The following RSRC1 variants were observed in gnomAD, a reference collection of about 807,000 sequenced individuals.
The protein encoded by RSRC1 is serine/Arginine-related protein 53.
Under a neutral mutation model 49.1 loss-of-function variants are expected in RSRC1, and 39 were observed. That is an observed-to-expected ratio of 0.79 (90% CI 0.61 to 1.04). RSRC1 has a LOEUF of 1.04. Among genes scored for constraint, RSRC1 ranks in the 50% least tolerant of loss-of-function variants. The pLI is 0.00. For missense variants in RSRC1, 388 were observed against 402.4 expected, an observed-to-expected ratio of 0.96 and a Z score of 0.31; for synonymous variants, 143 against 130.8, an observed-to-expected ratio of 1.09 and a Z score of -0.63.
At chr3:158,274,057 A>C (rs1725669397) in intron 4 of RSRC1, among the ~76,000 whole-genome samples, 1 of 152,152 alleles carries the variant, frequency 6.6e-6, no homozygotes, top group African/African-American at 2.4e-5. Context: ...AGTGTTGCCC[A>C]TTTGGAAACC....
intron 3 of RSRC1, among the ~76,000 whole-genome samples, chr3:158,195,226 A>G (rs2108268501): frequency 6.6e-6 from 1 of 151,986 alleles, no homozygotes; most frequent in African/African-American, 2.4e-5. Context: ...TGTGGTTTTG[A>G]TTTGCATTTC....
intron 4 of RSRC1, among the ~76,000 whole-genome samples, chr3:158,290,624 A>G (rs745879250): frequency 6.6e-6 from 1 of 152,160 alleles, no homozygotes; most frequent in Non-Finnish European, 1.5e-5. Context: ...TTATTCATCA[A>G]TAACATTTGA....
intron 4 of RSRC1, among the ~76,000 whole-genome samples, chr3:158,268,449 A>AT (rs1381585535): frequency 1.3e-5 from 2 of 151,986 alleles, no homozygotes. Flanking sequence ...TCCGTTTTAC[A>AT]TTTTTTCTGT....
intron 6 of RSRC1, among the ~76,000 whole-genome samples, chr3:158,444,449 A>G (rs975860246): frequency 3.9e-5 from 6 of 152,206 alleles, no homozygotes; most frequent in Non-Finnish European, 7.3e-5. Flanking sequence ...AAAACTGGCT[A>G]GCCATATATA....
chr3:158,229,185 T>C (rs1722757786), intron 4 of RSRC1, among the ~76,000 whole-genome samples: 1 of 126,370 alleles, frequency 7.9e-6, no homozygotes, highest in Non-Finnish European at 1.7e-5. Flanking sequence ...TGTGTATGTG[T>C]AAACATACAT....
chr3:158,268,347 A>G (rs760228500), intron 4 of RSRC1, among the ~76,000 whole-genome samples: 1 of 152,116 alleles, frequency 6.6e-6, no homozygotes, highest in Non-Finnish European at 1.5e-5. Context: ...TCCCCTGAGT[A>G]TGTGTAATTT....
intron 7 of RSRC1, among the ~76,000 whole-genome samples, chr3:158,514,726 C>T (rs1352949870): frequency 2.0e-5 from 3 of 151,970 alleles, no homozygotes. Context: ...GTGTTAAAGT[C>T]TCCCATTATT....
In RSRC1 at chr3:158,500,419, A is replaced by G. The variant is rs535163189; in HGVS notation, c.653-36673A>G. Among the ~76,000 whole-genome samples the G allele has an allele frequency of 2.6e-5, 4 of 152,132 alleles. No individual in the cohort carries two copies. The South Asian group carries it at 8.3e-4, about 32-fold the overall frequency. ...GAGGGTTCCTACTTTCTCTGTCTTG[A>G]GGAATAGTGTCAAAAGGATTGGTAC... On this transcript the variant is annotated intron_variant, in intron 7 of 9. Coordinates refer to ENST00000611884, the MANE Select transcript of RSRC1 (RefSeq NM_001271838.2).
chr3:158,293,033 G>A (rs1727025548), intron 4 of RSRC1, among the ~76,000 whole-genome samples: 1 of 152,074 alleles, frequency 6.6e-6, no homozygotes, highest in African/African-American at 2.4e-5. Context: ...TACCTGTGTT[G>A]TTTTGAGGTG....
At chr3:158,123,755 A>G in intron 2 of RSRC1, 111 bp from the exon 3 acceptor site, 1 of 1,005,502 alleles carries the variant, frequency 9.9e-7, no homozygotes, top group East Asian at 2.7e-5. Context: ...TGCTTCCAGG[A>G]AACAGTGAGA....
chr3:158,448,421 G>A (rs1238199592), intron 6 of RSRC1, among the ~76,000 whole-genome samples: 2 of 151,882 alleles, frequency 1.3e-5, no homozygotes, highest in South Asian at 2.1e-4. Context: ...CAGCAGGACT[G>A]GAGAAGATAC....
intron 4 of RSRC1, among the ~76,000 whole-genome samples, chr3:158,286,153 G>C (rs951565642): frequency 1.3e-5 from 2 of 152,116 alleles, no homozygotes; most frequent in Non-Finnish European, 2.9e-5. Flanking sequence ...AATCCTCATC[G>C]CTTTGCTGCC....
chr3:158,478,967 C>G (rs1380105965), intron 7 of RSRC1, among the ~76,000 whole-genome samples: 1 of 135,168 alleles, frequency 7.4e-6, no homozygotes, highest in Non-Finnish European at 1.6e-5. Flanking sequence ...AAAAAAAAAC[C>G]TTACTGACAA....
chr3:158,425,073 A>G (rs1490169984), intron 6 of RSRC1, among the ~76,000 whole-genome samples: 2 of 150,458 alleles, frequency 1.3e-5, no homozygotes, highest in Admixed American at 6.6e-5. Context: ...TTGTGTCTCT[A>G]TTTCCTTCAG....
intron 4 of RSRC1, among the ~76,000 whole-genome samples, chr3:158,283,967 T>C (rs1009396512): frequency 2.0e-5 from 3 of 151,940 alleles, no homozygotes; most frequent in African/African-American, 7.3e-5. Flanking sequence ...TGTATACATG[T>C]GCCATGCTGG....
At chr3:158,290,614 T>C (rs1262959208) in intron 4 of RSRC1, among the ~76,000 whole-genome samples, 2 of 152,158 alleles carry the variant, frequency 1.3e-5, no homozygotes, top group African/African-American at 2.4e-5. Flanking sequence ...TGCCAAACTT[T>C]TATTCATCAA....
At chr3:158,350,212 C>T (rs1447997870) in intron 5 of RSRC1, among the ~76,000 whole-genome samples, 6 of 137,646 alleles carry the variant, frequency 4.4e-5, no homozygotes, top group African/African-American at 1.6e-4. Flanking sequence ...AGGTCTGGCT[C>T]TATCACCCAG....
chr3:158,470,904 G>A (rs1408737716), intron 7 of RSRC1, among the ~76,000 whole-genome samples: 1 of 152,124 alleles, frequency 6.6e-6, no homozygotes, highest in African/African-American at 2.4e-5. Flanking sequence ...GGTTGAGGTA[G>A]AACCAAAAGT....
chr3:158,501,542 G>C (rs932333673), intron 7 of RSRC1, among the ~76,000 whole-genome samples: 4 of 152,116 alleles, frequency 2.6e-5, no homozygotes, highest in African/African-American at 9.7e-5. Context: ...GGGAGCTCCA[G>C]TTTTAGGTGC....
Sources: gnomAD v4.1 joint callset for allele counts (sites outside exome capture counted in the v4.1 genomes callset) on GRCh38, gnomAD v4.1.1 for gene constraint, MANE v1.5 for transcripts, NCBI Gene and HGNC (gene_info 2026-07-23, HGNC 2026-07-21) for gene names.